RHOD: variants seen among roughly 807,000 people sequenced by gnomAD.
RHOD encodes the protein ras homolog family member D.
RHOD carries 11 observed loss-of-function variants against 16.7 expected under a neutral mutation model. That is an observed-to-expected ratio of 0.66 (90% confidence interval 0.41 to 1.09). The LOEUF (loss-of-function observed/expected upper bound fraction) is 1.09, where lower values mean the gene tolerates loss of function less well. RHOD is among the 50% of genes least tolerant of loss of function. RHOD has a pLI of 0.00. For synonymous variants in RHOD, 124 were observed against 126.3 expected, an observed-to-expected ratio of 0.98 and a Z score of 0.12; for missense variants, 271 against 291.7, an observed-to-expected ratio of 0.93 and a Z score of 0.52.
chr11:67,070,368 G>A, intron 3 of RHOD, 57 bp from the exon 4 acceptor site: 1 of 1,588,828 alleles, frequency 6.3e-7, no homozygotes, highest in Non-Finnish European at 8.6e-7. Context: ...CACTGAGAGG[G>A]CCAGAACTCT....
intron 1 of RHOD, among the ~76,000 whole-genome samples, chr11:67,065,522 C>T (rs1854948256): frequency 1.3e-5 from 2 of 152,018 alleles, no homozygotes; most frequent in South Asian, 4.1e-4. Context: ...CAGGCAGGCC[C>T]ACCATTCCCA....
At chr11:67,069,335 G>A (rs1410837182) in intron 3 of RHOD, among the ~76,000 whole-genome samples, 4 of 152,046 alleles carry the variant, frequency 2.6e-5, no homozygotes, top group Non-Finnish European at 5.9e-5. Context: ...GACAGCTGCT[G>A]CAACCATTTT....
At chr11:67,071,402 C>T in intron 4 of RHOD, 33 bp from the exon 5 acceptor site, 3 of 1,547,936 alleles carry the variant, frequency 1.9e-6, no homozygotes, top group Non-Finnish European at 2.6e-6. Context: ...CCAGTGCCCC[C>T]TTCACCGCAG....
At chr11:67,068,638 T>C (rs1008758033) in intron 3 of RHOD, among the ~76,000 whole-genome samples, 3 of 152,098 alleles carry the variant, frequency 2.0e-5, no homozygotes, top group Non-Finnish European at 1.5e-5. Flanking sequence ...TGAAACCCCG[T>C]TGCTACTAAA....
intron 1 of RHOD, 145 bp downstream of exon 1, chr11:67,057,179 C>T: frequency 9.8e-7 from 1 of 1,021,890 alleles, no homozygotes; most frequent in Non-Finnish European, 1.3e-6. Flanking sequence ...AGAGTTCTTC[C>T]GCCCCAGCCA....
intron 1 of RHOD, among the ~76,000 whole-genome samples, chr11:67,064,489 A>G (rs1349426221): frequency 6.6e-6 from 1 of 152,002 alleles, no homozygotes; most frequent in African/African-American, 2.4e-5. Context: ...CAGGAAAGGC[A>G]TCCCAGAAAG....
intron 2 of RHOD, among the ~76,000 whole-genome samples, chr11:67,066,310 A>G (rs1451025636): frequency 6.6e-6 from 1 of 152,176 alleles, no homozygotes; most frequent in East Asian, 1.9e-4. Context: ...TCTGCCCTCC[A>G]GCCTCCTGAC....
chr11:67,057,923 C>T (rs750183741), intron 1 of RHOD, among the ~76,000 whole-genome samples: 1 of 152,242 alleles, frequency 6.6e-6, no homozygotes, highest in Non-Finnish European at 1.5e-5. Context: ...CACCAGGCGG[C>T]CCCTGCTCTG....
chr11:67,066,856 T>C lies in RHOD; in HGVS notation c.330+9T>C, dbSNP rs1390697639. 1 of 1,589,164 alleles carries C rather than the reference T, an allele frequency of 6.3e-7. No homozygotes were observed. The highest frequency in any genetic ancestry group is 1.1e-5 in the South Asian group (1 of 90,568). On this transcript the variant is annotated intron_variant, in intron 3 of 4. Coordinates refer to ENST00000308831, the MANE Select transcript of RHOD (RefSeq NM_014578.4). ...ACAACATCTTTAACCGGGTAGGTAC[T>C]GGGGGGCAGGGAGGCATAGCCCCCA...
At chr11:67,060,184 G>A (rs1051005539) in intron 1 of RHOD, among the ~76,000 whole-genome samples, 1 of 152,220 alleles carries the variant, frequency 6.6e-6, no homozygotes, top group Non-Finnish European at 1.5e-5. Context: ...TTCCTGGTTC[G>A]CACTTGGACT....
chr11:67,063,485 C>G (rs886651591), intron 1 of RHOD, among the ~76,000 whole-genome samples: 11 of 138,182 alleles, frequency 8.0e-5, no homozygotes, highest in Non-Finnish European at 1.4e-4. Flanking sequence ...AGAGTGAGAC[C>G]CTATCTTTTT....
intron 1 of RHOD, among the ~76,000 whole-genome samples, chr11:67,064,233 C>T (rs1438639090): frequency 4.0e-5 from 6 of 151,014 alleles, no homozygotes; most frequent in African/African-American, 9.7e-5. Flanking sequence ...GGTGAAACCC[C>T]GTCTCTACTA....
intron 1 of RHOD, among the ~76,000 whole-genome samples, chr11:67,059,240 T>C (rs996273132): frequency 6.6e-6 from 1 of 152,082 alleles, no homozygotes; most frequent in African/African-American, 2.4e-5. Context: ...GTCCTCTTCA[T>C]TTAAAGAACC....
At chr11:67,065,381 T>C (rs995696348) in intron 1 of RHOD, among the ~76,000 whole-genome samples, 14 of 151,520 alleles carry the variant, frequency 9.2e-5, no homozygotes, top group African/African-American at 2.7e-4. Flanking sequence ...GCCTTTTCGT[T>C]GTTGTTGTTG....
At chr11:67,059,499 C>T (rs931663879) in intron 1 of RHOD, among the ~76,000 whole-genome samples, 1 of 151,860 alleles carries the variant, frequency 6.6e-6, no homozygotes, top group Admixed American at 6.6e-5. Context: ...ACCGAGATCG[C>T]GCCATTGCAC....
intron 3 of RHOD, 32 bp from the exon 4 acceptor site, chr11:67,070,393 T>G: frequency 6.2e-7 from 1 of 1,610,356 alleles, no homozygotes; most frequent in East Asian, 2.2e-5. Context: ...GGCTCACACA[T>G]GCCCCCCACA....
intron 3 of RHOD, among the ~76,000 whole-genome samples, chr11:67,069,637 G>A (rs1364312898): frequency 6.6e-6 from 1 of 151,992 alleles, no homozygotes; most frequent in Non-Finnish European, 1.5e-5. Flanking sequence ...TGGGATTACA[G>A]GCGTGAGCCA....
chr11:67,063,216 C>T (rs1440650435), intron 1 of RHOD, among the ~76,000 whole-genome samples: 1 of 151,916 alleles, frequency 6.6e-6, no homozygotes, highest in Non-Finnish European at 1.5e-5. Context: ...ATAGCAAGAC[C>T]CCATCTCTGC....
At chr11:67,065,698 A>T (rs542158005) in intron 1 of RHOD, among the ~76,000 whole-genome samples, 198 bp from the exon 2 acceptor site, 8 of 152,224 alleles carry the variant, frequency 5.3e-5, no homozygotes, top group Admixed American at 2.0e-4. Flanking sequence ...CACAACTGAG[A>T]ACAAAGCTGG....
Sources: allele counts gnomAD v4.1 joint callset (sites outside exome capture counted in the v4.1 genomes callset), GRCh38; gene constraint gnomAD v4.1.1; transcripts MANE v1.5; gene names NCBI Gene and HGNC (gene_info 2026-07-23, HGNC 2026-07-21).